CSMD3: variants seen among roughly 807,000 people sequenced by gnomAD.
The protein encoded by CSMD3 is CUB and Sushi multiple domains 3.
CSMD3 carries 177 observed loss-of-function variants against 435.2 expected under a neutral mutation model. That is an observed-to-expected ratio of 0.41 (90% CI 0.36 to 0.46). CSMD3 has a LOEUF of 0.46. Among genes scored for constraint, CSMD3 ranks in the 20% least tolerant of loss-of-function variants. CSMD3 has a pLI of 0.34. For missense variants in CSMD3, 4,265 were observed against 4,504.6 expected (o/e 0.95, Z 1.52); for synonymous variants, 1,656 against 1,520.5 (o/e 1.09, Z -2.07).
intron 4 of CSMD3, among the ~76,000 whole-genome samples, chr8:113,143,633 C>A (rs1469722269): frequency 1.3e-5 from 2 of 151,316 alleles, no homozygotes; most frequent in African/African-American, 2.4e-5. Flanking sequence ...AAAGACCGAA[C>A]TATTGATACA....
chr8:112,699,703 T>G (rs149093715), intron 13 of CSMD3, among the ~76,000 whole-genome samples: 3 of 152,326 alleles, frequency 2.0e-5, no homozygotes, highest in Non-Finnish European at 4.4e-5. Flanking sequence ...TGTGATGTCC[T>G]GAGAGGCGAG....
At chr8:112,738,811 T>A (rs2077241600) in intron 13 of CSMD3, among the ~76,000 whole-genome samples, 1 of 151,774 alleles carries the variant, frequency 6.6e-6, no homozygotes, top group South Asian at 2.1e-4. Context: ...TTTATTTTAA[T>A]GAATTTTATT....
At chr8:112,819,151 G>C (rs1344850605) in intron 12 of CSMD3, among the ~76,000 whole-genome samples, 1 of 152,134 alleles carries the variant, frequency 6.6e-6, no homozygotes, top group African/African-American at 2.4e-5. Context: ...TGCAATGAAA[G>C]GCTGTTTGCA....
Position 113,416,746 on chromosome 8 carries a change from A to G in CSMD3, c.178+19931T>C, listed in dbSNP as rs547637042. ...ATTATTAGTGAATTATAAAGCTTTC[A>G]CTTGGTTGTGGTCCTATTATTTTTA... is the stretch of plus-strand genomic sequence containing the variant. On this transcript the variant is annotated intron_variant, in intron 1 of 70. Transcript: ENST00000297405. Among the ~76,000 whole-genome samples, 3 of 152,256 alleles carry G rather than the reference A, an allele frequency of 2.0e-5. No individual in the cohort carries two copies. The South Asian group carries it at 6.2e-4, about 31-fold the overall frequency.
At chr8:112,361,421 T>C (rs931214549) in intron 38 of CSMD3, among the ~76,000 whole-genome samples, 3 of 151,396 alleles carry the variant, frequency 2.0e-5, no homozygotes, top group Admixed American at 6.6e-5. Flanking sequence ...ATTACTAATA[T>C]TTATTTATAA....
At chr8:112,704,028 G>A (rs1311897862) in intron 13 of CSMD3, among the ~76,000 whole-genome samples, 3 of 152,048 alleles carry the variant, frequency 2.0e-5, no homozygotes, top group African/African-American at 4.8e-5. Context: ...TATGCCCTGG[G>A]ACACGGGTTT....
At chr8:112,600,230 TA>T (rs1225822168) in intron 22 of CSMD3, among the ~76,000 whole-genome samples, 2 of 152,102 alleles carry the variant, frequency 1.3e-5, no homozygotes, top group Admixed American at 1.3e-4. Flanking sequence ...ATATATATAA[TA>T]AAAAATGCTA....
chr8:112,636,496 A>ATC (rs1189038673), intron 22 of CSMD3, among the ~76,000 whole-genome samples: 1 of 151,504 alleles, frequency 6.6e-6, no homozygotes, highest in East Asian at 1.9e-4. Context: ...CTGTCTATCT[A>ATC]TATCATCTAT....
chr8:112,263,815 G>T lies in CSMD3; in HGVS notation c.9689-3C>A, dbSNP rs1347463690. On this transcript the variant is annotated splice_polypyrimidine_tract_variant and splice_region_variant and intron_variant, in intron 60 of 70. Coordinates refer to ENST00000297405, the MANE Select transcript of CSMD3 (RefSeq NM_198123.2). ...GGGAGGAGTTGGGCAGGTAACAGCT[G>T]CAATTACATTAAAAGTGATTAGACA... is the stretch of plus-strand genomic sequence containing the variant. The T allele has an allele frequency of 6.2e-7, 1 of 1,613,008 alleles. No individual in the cohort carries two copies. The highest frequency in any genetic ancestry group is 1.7e-5 in the Admixed American group (1 of 59,964).
chr8:113,121,593 T>C (rs2090988024), intron 4 of CSMD3, among the ~76,000 whole-genome samples: 1 of 152,106 alleles, frequency 6.6e-6, no homozygotes, highest in Non-Finnish European at 1.5e-5. Context: ...TACTACATAA[T>C]GGCTGAAAAT....
intron 1 of CSMD3, among the ~76,000 whole-genome samples, chr8:113,379,861 T>C (rs2094407574): frequency 6.6e-6 from 1 of 152,196 alleles, no homozygotes; most frequent in African/African-American, 2.4e-5. Context: ...ATACATTGTT[T>C]TTGCACTAGA....
chr8:112,953,064 A>G (rs985421900), intron 8 of CSMD3, among the ~76,000 whole-genome samples: 2 of 151,452 alleles, frequency 1.3e-5, no homozygotes, highest in South Asian at 2.1e-4. Context: ...ATTTCCCTGA[A>G]CATTTGGAAG....
At chr8:112,927,357 CT>C (rs1388377203) in intron 9 of CSMD3, among the ~76,000 whole-genome samples, 8 of 152,032 alleles carry the variant, frequency 5.3e-5, no homozygotes, top group African/African-American at 1.9e-4. Flanking sequence ...TTATTTCTTT[CT>C]TATTTCCTTC....
intron 9 of CSMD3, among the ~76,000 whole-genome samples, chr8:112,940,196 A>T (rs543415455): frequency 6.6e-6 from 1 of 152,036 alleles, no homozygotes; most frequent in Admixed American, 6.6e-5. Flanking sequence ...GTGTTTTAAT[A>T]GTACCAAATG....
chr8:112,735,965 T>C (rs1027870204), intron 13 of CSMD3, among the ~76,000 whole-genome samples: 9 of 152,138 alleles, frequency 5.9e-5, no homozygotes, highest in Middle Eastern at 3.4e-3. Flanking sequence ...AGAATCATGT[T>C]AGGTAGAAAA....
intron 3 of CSMD3, among the ~76,000 whole-genome samples, chr8:113,192,993 G>T (rs2092606959): frequency 6.6e-6 from 1 of 151,428 alleles, no homozygotes; most frequent in African/African-American, 2.4e-5. Flanking sequence ...TGTCTTGATT[G>T]CTTTGTTAAG....
chr8:112,907,323 G>A (rs193041715), intron 10 of CSMD3, among the ~76,000 whole-genome samples: 31 of 151,466 alleles, frequency 2.0e-4, no homozygotes, highest in Admixed American at 1.8e-3. Flanking sequence ...CATCATATTC[G>A]TAGTTTGTAT....
Position 112,451,729 on chromosome 8 carries a change from G to T in CSMD3, c.5395+20862C>A, listed in dbSNP as rs1168109679. ...AATTTTGTACATTTAGTAGAGACGG[G>T]TTTTCTCCACATTGGTCAGGCTGGT... On this transcript the variant is annotated intron_variant, in intron 32 of 70. Coordinates refer to ENST00000297405, the MANE Select transcript of CSMD3 (RefSeq NM_198123.2). 5.9e-5 allele frequency among the ~76,000 whole-genome samples: 9 copies of T among 152,092 alleles called. No individual in the cohort carries two copies. The East Asian group carries it at 1.5e-3, about 26-fold the overall frequency.
At chr8:112,506,986 G>C (rs1019889134) in intron 28 of CSMD3, among the ~76,000 whole-genome samples, 157 bp from the exon 29 acceptor site, 2 of 152,082 alleles carry the variant, frequency 1.3e-5, no homozygotes, top group Non-Finnish European at 2.9e-5. Flanking sequence ...TATGTTTCAA[G>C]AAAGACCATT....
Sources: gnomAD v4.1 joint callset for allele counts (sites outside exome capture counted in the v4.1 genomes callset) on GRCh38, gnomAD v4.1.1 for gene constraint, MANE v1.5 for transcripts, NCBI Gene and HGNC (gene_info 2026-07-23, HGNC 2026-07-21) for gene names.